HMX1: variants seen among roughly 807,000 people sequenced by gnomAD.
HMX1 encodes the protein homeobox protein HMX1.
In HMX1, 8 loss-of-function variants were observed where a neutral mutation model predicts 8.9. The observed-to-expected ratio is 0.90, with a 90% CI of 0.53 to 1.63. The LOEUF is 1.63. Ranked by LOEUF, HMX1 falls within the 40% of genes most tolerant of loss-of-function variation. The probability of loss-of-function intolerance (pLI) is 0.00; values close to 1 mark genes in which losing one functional copy is unlikely to be tolerated. For missense variants in HMX1, 621 were observed against 558.5 expected (o/e 1.11, Z -1.13); for synonymous variants, 311 against 283.4 (o/e 1.10, Z -0.98).
In HMX1 at chr4:8,848,207, T is replaced by G. The variant is rs773815835; in HGVS notation, c.395-1883A>C. Reference sequence around the variant, plus strand: ...GTAAAAAATGCATACTTTTGTGCTCTCCAAAGAGAGTCCGAAACATGTAAA... The same window carrying G: ...GTAAAAAATGCATACTTTTGTGCTCGCCAAAGAGAGTCCGAAACATGTAAA... On this transcript the variant is annotated intron_variant, in intron 1 of 1. Transcript: ENST00000506970. The surrounding 1 kb of genome is among the most constrained non-coding windows in gnomAD (Gnocchi z 4.1). 6.6e-6 allele frequency among the ~76,000 whole-genome samples: 1 copy of G among 152,238 alleles called. No individual in the cohort carries two copies. Among genetic ancestry groups the G allele is most frequent in the Non-Finnish European group, 1.5e-5 (1 of 68,034 alleles).
intron 1 of HMX1, among the ~76,000 whole-genome samples, chr4:8,856,824 C>A (rs985950444): frequency 2.6e-5 from 4 of 152,204 alleles, no homozygotes; most frequent in African/African-American, 9.7e-5. Flanking sequence ...CGCAGTGGCT[C>A]AAGCCTGTAA....
At chr4:8,851,287 G>A (rs1172809491) in intron 1 of HMX1, among the ~76,000 whole-genome samples, 1 of 152,192 alleles carries the variant, frequency 6.6e-6, no homozygotes, top group Non-Finnish European at 1.5e-5. Context: ...CCCATCCCAG[G>A]CTTTCTTTCC....
chr4:8,852,503 G>A (rs894903705), intron 1 of HMX1, among the ~76,000 whole-genome samples: 3 of 152,208 alleles, frequency 2.0e-5, no homozygotes, highest in East Asian at 1.9e-4. Flanking sequence ...TCCAATGCCC[G>A]GGCTCCCTGC....
intron 1 of HMX1, among the ~76,000 whole-genome samples, chr4:8,859,538 A>AGAGGAGGATT (rs1334123907): frequency 6.6e-6 from 1 of 152,104 alleles, no homozygotes; most frequent in East Asian, 1.9e-4. Context: ...TGGAAGAGGG[A>AGAGGAGGATT]GAGGAGGATT....
intron 1 of HMX1, among the ~76,000 whole-genome samples, chr4:8,850,861 T>C (rs1025102726): frequency 2.6e-5 from 4 of 152,364 alleles, no homozygotes; most frequent in Non-Finnish European, 5.9e-5. Context: ...CCGCCAGTGT[T>C]GTCTGGAATC....
intron 1 of HMX1, among the ~76,000 whole-genome samples, chr4:8,861,467 G>C (rs895893960): frequency 6.6e-6 from 1 of 152,342 alleles, no homozygotes; most frequent in Admixed American, 6.5e-5. Context: ...CTCGGGAAAG[G>C]GGGGTAGGGA....
rs1560168327 is a variant in HMX1, at chr4:8,853,143, C to G, written c.395-6819G>C. 6.6e-6 allele frequency among the ~76,000 whole-genome samples: 1 copy of G among 152,210 alleles called. No homozygotes were observed. Among genetic ancestry groups the G allele is most frequent in the Non-Finnish European group, 1.5e-5 (1 of 68,040 alleles). ...AGCCTCCTGTATTAGGGTATTGACT[C>G]TATTTCTTAAATGGAAGCCAAGTCA... On this transcript the variant is annotated intron_variant, in intron 1 of 1. Coordinates refer to the HMX1 transcript ENST00000506970. The surrounding 1 kb of genome is among the most constrained non-coding windows in gnomAD (Gnocchi z 4.7).
intron 1 of HMX1, among the ~76,000 whole-genome samples, chr4:8,850,387 C>G (rs546683175): frequency 2.4e-4 from 36 of 152,264 alleles, no homozygotes; most frequent in Admixed American, 2.0e-3. Context: ...CCCACCGCCC[C>G]GGTCTCCACT....
chr4:8,846,785 C>A (rs1053701560), intron 1 of HMX1, among the ~76,000 whole-genome samples: 8 of 152,216 alleles, frequency 5.3e-5, no homozygotes, highest in African/African-American at 1.9e-4. Flanking sequence ...CCCAGAACCC[C>A]TTACCCTGGT....
chr4:8,855,796 G>C (rs575587733), intron 1 of HMX1, among the ~76,000 whole-genome samples: 1 of 152,196 alleles, frequency 6.6e-6, no homozygotes, highest in South Asian at 2.1e-4. Context: ...AGTGTGGGAG[G>C]CTGGGAGTGA....
At chr4:8,858,059 G>A (rs986611992) in intron 1 of HMX1, among the ~76,000 whole-genome samples, 9 of 152,222 alleles carry the variant, frequency 5.9e-5, no homozygotes, top group Admixed American at 5.2e-4. Flanking sequence ...TGTAAGACGG[G>A]GATCAATGCC....
At chr4:8,869,610 G>A (rs1722142287) in intron 1 of HMX1, among the ~76,000 whole-genome samples, 1 of 152,198 alleles carries the variant, frequency 6.6e-6, no homozygotes, top group Admixed American at 6.5e-5. Context: ...TCCCACTCAC[G>A]CCCGTGGCCA....
intron 1 of HMX1, among the ~76,000 whole-genome samples, chr4:8,854,179 G>A (rs960184193): frequency 6.6e-6 from 1 of 152,168 alleles, no homozygotes; most frequent in East Asian, 1.9e-4. Context: ...GCCAGGCAGT[G>A]GGGGGTCGAC....
Position 8,871,090 on chromosome 4 carries a change from C to T in HMX1, c.394+131G>A. On this transcript the variant is annotated intron_variant, in intron 1 of 1. Coordinates refer to ENST00000400677, the MANE Select transcript of HMX1 (RefSeq NM_018942.3). This position sits in a 1 kb window ranked among gnomAD's most constrained non-coding sequence, Gnocchi z 4.8. ...GGGGCTCCTGGGGGCCCCACAAGGCCCAGACGCCGTTCCACAGAAGGGAGA... is the reference window on the plus strand; with the variant it reads ...GGGGCTCCTGGGGGCCCCACAAGGCTCAGACGCCGTTCCACAGAAGGGAGA... The T allele has an allele frequency of 9.4e-7, 1 of 1,061,360 alleles. No homozygotes were observed. Among genetic ancestry groups the T allele is most frequent in the Non-Finnish European group, 1.2e-6 (1 of 829,508 alleles). 65.7% of individuals were successfully genotyped at this position (1,061,360 alleles called of 1,614,324 possible).
chr4:8,859,844 G>A (rs1321319401), intron 1 of HMX1, among the ~76,000 whole-genome samples: 2 of 152,256 alleles, frequency 1.3e-5, no homozygotes. Context: ...GCTTCCAGGG[G>A]AGGCGGAAGG....
rs903489278 is a variant in HMX1, at chr4:8,858,225, G to A, written c.395-11901C>T. 5.3e-5 allele frequency among the ~76,000 whole-genome samples: 8 copies of A among 152,146 alleles called. 1 individual carries two copies. The highest frequency in any genetic ancestry group is 4.6e-4 in the Admixed American group (7 of 15,282). On this transcript the variant is annotated intron_variant, in intron 1 of 1. Coordinates refer to the HMX1 transcript ENST00000506970. ...CCGGATGTGCTGACGCTGCGGTTAC[G>A]CGCGCGGAGCTGGAGCCCCGAGAGC...
Position 8,847,974 on chromosome 4 carries a change from C to CGCCA in HMX1, c.395-1654_395-1651dup, listed in dbSNP as rs1721328302. ...TGGAACAGGCTCCGACTCCCTGGAG[C>CGCCA]GCCAGGTCCAGGGTGACATCTGAGC... On this transcript the variant is annotated intron_variant, in intron 1 of 1. Coordinates refer to the HMX1 transcript ENST00000506970. The surrounding 1 kb of genome is among the most constrained non-coding windows in gnomAD (Gnocchi z 6.0). 6.6e-6 allele frequency among the ~76,000 whole-genome samples: 1 copy of CGCCA among 152,096 alleles called. No individual in the cohort carries two copies. Among genetic ancestry groups the CGCCA allele is most frequent in the Non-Finnish European group, 1.5e-5 (1 of 68,020 alleles).
At chr4:8,859,681 T>G (rs1047457929) in intron 1 of HMX1, among the ~76,000 whole-genome samples, 1 of 151,920 alleles carries the variant, frequency 6.6e-6, no homozygotes, top group Non-Finnish European at 1.5e-5. Context: ...GGGGACAGAG[T>G]CTCTGCCTTC....
At chr4:8,852,708 T>G (rs867005239) in intron 1 of HMX1, among the ~76,000 whole-genome samples, 1 of 152,228 alleles carries the variant, frequency 6.6e-6, no homozygotes, top group Admixed American at 6.5e-5. Flanking sequence ...AGCATTCTCT[T>G]TTGTGAATTT....
Sources: allele counts gnomAD v4.1 joint callset (sites outside exome capture counted in the v4.1 genomes callset), GRCh38; gene constraint gnomAD v4.1.1; non-coding constraint Gnocchi (gnomAD v3.1); transcripts MANE v1.5; gene names NCBI Gene and HGNC (gene_info 2026-07-23, HGNC 2026-07-21).